Variants in ST8SIA1 observed in about 807,000 individuals in gnomAD.
The protein encoded by ST8SIA1 is ST8 alpha-N-acetyl-neuraminide alpha-2,8-sialyltransferase 1.
ST8SIA1 carries 16 observed loss-of-function variants against 35.9 expected under a neutral mutation model. That is an observed-to-expected ratio of 0.45 (90% CI 0.30 to 0.68). The LOEUF (loss-of-function observed/expected upper bound fraction) is 0.68. ST8SIA1 is among the 30% of genes least tolerant of loss of function. The pLI is 0.09. For missense variants in ST8SIA1, 383 were observed against 453.6 expected (o/e 0.84, Z 1.41); for synonymous variants, 170 against 169.6 (o/e 1.00, Z -0.02).
Position 22,287,289 on chromosome 12 carries a change from G to A in ST8SIA1, c.241C>T (p.Gln81Ter), listed in dbSNP as rs1204355744. 1.2e-6 allele frequency: 2 copies of A among 1,611,452 alleles called. No individual in the cohort carries two copies. The highest frequency in any genetic ancestry group is 1.7e-5 in the Admixed American group (1 of 59,278). Residue 81 changes from glutamine (Q) to a stop codon, truncating the protein, a stop_gained, in exon 2 of 5, where the codon CAA becomes TAA. Coordinates refer to ENST00000396037, the MANE Select transcript of ST8SIA1 (RefSeq NM_003034.4). LOFTEE classifies it high-confidence loss of function. ...NQTAARAFRK[Q>*]MEDCCDPAHL... ...GCAGGGTCGCAGCAGTCTTCCATTT[G>A]TTTCCTAGGAGAGAAAACAGAGAGA... is the stretch of plus-strand genomic sequence containing the variant.
chr12:22,279,391 C>T (rs1866007683), intron 2 of ST8SIA1, among the ~76,000 whole-genome samples: 1 of 152,172 alleles, frequency 6.6e-6, no homozygotes, highest in African/African-American at 2.4e-5. Flanking sequence ...GCCTTGCTTA[C>T]AAAAACAGTC....
chr12:22,273,828 A>G (rs981172391), intron 2 of ST8SIA1, among the ~76,000 whole-genome samples: 5 of 152,238 alleles, frequency 3.3e-5, no homozygotes, highest in African/African-American at 1.2e-4. Context: ...AAACTGAGAC[A>G]CATAACTCCC....
At chr12:22,305,587 G>C (rs1338881880) in intron 1 of ST8SIA1, among the ~76,000 whole-genome samples, 1 of 152,010 alleles carries the variant, frequency 6.6e-6, no homozygotes, top group African/African-American at 2.4e-5. Flanking sequence ...CACCATGTTG[G>C]TCAGGCTGTC....
chr12:22,216,453 T>C (rs187134731), intron 4 of ST8SIA1, among the ~76,000 whole-genome samples: 11 of 152,302 alleles, frequency 7.2e-5, no homozygotes, highest in Admixed American at 7.2e-4. Context: ...ATGCTACTTG[T>C]TCTGTCTAAA....
chr12:22,326,458 G>A (rs1482533052), intron 1 of ST8SIA1: 2 of 152,262 alleles, frequency 1.3e-5, no homozygotes, highest in Non-Finnish European at 2.9e-5. Flanking sequence ...TCCTCATTAT[G>A]GACTAATAAT....
chr12:22,276,955 C>T (rs1307994486), intron 2 of ST8SIA1, among the ~76,000 whole-genome samples: 1 of 152,074 alleles, frequency 6.6e-6, no homozygotes, highest in African/African-American at 2.4e-5. Context: ...CTTTCCATTC[C>T]CTACAAACAC....
intron 2 of ST8SIA1, among the ~76,000 whole-genome samples, chr12:22,284,540 T>C (rs1332958947): frequency 1.3e-5 from 2 of 152,194 alleles, no homozygotes; most frequent in Non-Finnish European, 2.9e-5. Flanking sequence ...TGATGCAAAC[T>C]GGTTTACCAA....
intron 1 of ST8SIA1, among the ~76,000 whole-genome samples, chr12:22,318,316 A>C (rs988766101): frequency 6.6e-5 from 10 of 152,220 alleles, no homozygotes; most frequent in African/African-American, 2.4e-4. Context: ...TTGGGTGCGC[A>C]GAAGTCTCCA....
chr12:22,206,936 G>A (rs560540305), intron 4 of ST8SIA1, among the ~76,000 whole-genome samples: 79 of 152,242 alleles, frequency 5.2e-4, no homozygotes, highest in African/African-American at 1.8e-3. Context: ...AAAAAGAAAA[G>A]GCATTTAGGT....
intron 2 of ST8SIA1, among the ~76,000 whole-genome samples, chr12:22,255,984 T>C (rs1178507665): frequency 6.6e-6 from 1 of 152,182 alleles, no homozygotes; most frequent in East Asian, 1.9e-4. Flanking sequence ...GCCAAAGAGA[T>C]GCACACTGAA....
chr12:22,221,199 T>C (rs1162591436), intron 4 of ST8SIA1, among the ~76,000 whole-genome samples: 1 of 151,732 alleles, frequency 6.6e-6, no homozygotes, highest in Non-Finnish European at 1.5e-5. Flanking sequence ...ACCCTAACTT[T>C]CCAATTTACA....
chr12:22,206,876 T>C (rs183253841), intron 4 of ST8SIA1, among the ~76,000 whole-genome samples: 1 of 152,230 alleles, frequency 6.6e-6, no homozygotes, highest in East Asian at 1.9e-4. Context: ...CATCTATAAT[T>C]AGTTTGTTTA....
intron 1 of ST8SIA1, among the ~76,000 whole-genome samples, chr12:22,320,955 A>AAG (rs55802605): frequency 5.9e-5 from 5 of 84,376 alleles, no homozygotes; most frequent in African/African-American, 2.4e-4. Flanking sequence ...GAAAGAAAGA[A>AAG]AGAGAAAGAA....
chr12:22,269,396 T>C (rs1865885739), intron 2 of ST8SIA1, among the ~76,000 whole-genome samples: 1 of 152,208 alleles, frequency 6.6e-6, no homozygotes, highest in Non-Finnish European at 1.5e-5. Flanking sequence ...CTCAGCCCTC[T>C]GTTGGGTGGA....
intron 1 of ST8SIA1, among the ~76,000 whole-genome samples, chr12:22,304,393 G>T (rs2135827511): frequency 1.7e-5 from 1 of 57,262 alleles, no homozygotes; most frequent in South Asian, 4.7e-4. Flanking sequence ...ACTGAATTCT[G>T]TTTTCTTCAT....
intron 4 of ST8SIA1, among the ~76,000 whole-genome samples, chr12:22,240,154 A>C (rs908634639): frequency 6.6e-6 from 1 of 152,154 alleles, no homozygotes; most frequent in African/African-American, 2.4e-5. Flanking sequence ...CAGTTACATT[A>C]TCTCATTTAT....
At chr12:22,261,470 T>A (rs898652530) in intron 2 of ST8SIA1, among the ~76,000 whole-genome samples, 3 of 152,180 alleles carry the variant, frequency 2.0e-5, no homozygotes, top group East Asian at 3.9e-4. Context: ...AGCCATGAGT[T>A]TTAATAACAT....
intron 1 of ST8SIA1, among the ~76,000 whole-genome samples, chr12:22,314,213 C>T (rs1476767140): frequency 2.6e-5 from 4 of 152,158 alleles, no homozygotes; most frequent in African/African-American, 9.7e-5. Context: ...CCCCCTCCTT[C>T]CTCCATGCTC....
intron 4 of ST8SIA1, among the ~76,000 whole-genome samples, chr12:22,235,260 CT>C (rs1865464426): frequency 6.6e-6 from 1 of 151,968 alleles, no homozygotes; most frequent in Non-Finnish European, 1.5e-5. Context: ...GGAAAGAAAA[CT>C]TTTTTAAAAT....
Sources: allele counts gnomAD v4.1 joint callset (sites outside exome capture counted in the v4.1 genomes callset), GRCh38; gene constraint gnomAD v4.1.1; transcripts MANE v1.5; gene names NCBI Gene and HGNC (gene_info 2026-07-23, HGNC 2026-07-21).